The following CAMTA1 variants were observed in gnomAD, a reference collection of about 807,000 sequenced individuals.
CAMTA1 encodes the protein calmodulin-binding transcription activator 1.
CAMTA1 carries 27 observed loss-of-function variants against 170.9 expected under a neutral mutation model. The ratio of observed to expected loss-of-function variants is 0.16; its 90% CI spans 0.12 to 0.22. CAMTA1 has a LOEUF of 0.22. CAMTA1 is among the 10% of genes least tolerant of loss of function. The pLI is 1.00. For missense variants in CAMTA1, 1,619 were observed against 2,217.2 expected, an observed-to-expected ratio of 0.73 and a Z score of 5.42; for synonymous variants, 833 against 891.5, an observed-to-expected ratio of 0.93 and a Z score of 1.17.
chr1:7,280,108 G>GGAAAAAC (rs1671298801), intron 5 of CAMTA1, among the ~76,000 whole-genome samples: 2 of 152,204 alleles, frequency 1.3e-5, no homozygotes, highest in Admixed American at 6.5e-5. Context: ...TGCTGGCTTT[G>GGAAAAAC]CAAAAACCAA....
intron 6 of CAMTA1, among the ~76,000 whole-genome samples, chr1:7,478,820 T>C (rs1194096151): frequency 1.3e-5 from 2 of 152,216 alleles, no homozygotes; most frequent in African/African-American, 4.8e-5. Context: ...TATGGGGCTT[T>C]TGTTTAATTA....
At position 7,571,051 on chromosome 1, in the gene CAMTA1, T is replaced by C. The variant is rs2095119685; in HGVS notation, c.511-69349T>C. 1.3e-5 allele frequency among the ~76,000 whole-genome samples: 2 copies of C among 152,212 alleles called. 1 individual carries two copies. Among genetic ancestry groups the C allele is most frequent in the African/African-American group, 4.8e-5 (2 of 41,458 alleles). On this transcript the variant is annotated intron_variant, in intron 6 of 22. Coordinates refer to ENST00000303635, the MANE Select transcript of CAMTA1 (RefSeq NM_015215.4). ...TGCTCTGCAACAATCTGTGCCCAAC[T>C]GCCTTCACCTTCATGGAAAACAAAG...
intron 3 of CAMTA1, among the ~76,000 whole-genome samples, chr1:6,944,742 A>T (rs890322781): frequency 5.3e-4 from 81 of 152,246 alleles, no homozygotes; most frequent in African/African-American, 1.9e-3. Flanking sequence ...TACTACAGAC[A>T]GTCTTTGACT....
At chr1:7,600,229 G>C (rs1293937305) in intron 6 of CAMTA1, among the ~76,000 whole-genome samples, 2 of 152,186 alleles carry the variant, frequency 1.3e-5, no homozygotes, top group African/African-American at 2.4e-5. Context: ...TTCTGTTTAT[G>C]TGCTGGATTA....
intron 3 of CAMTA1, among the ~76,000 whole-genome samples, chr1:7,038,435 A>G (rs1039607599): frequency 2.6e-5 from 4 of 152,218 alleles, no homozygotes; most frequent in African/African-American, 9.6e-5. Context: ...TGCCATTTCA[A>G]TTTAAAGATT....
chr1:7,217,474 G>A (rs1036056213), intron 4 of CAMTA1, among the ~76,000 whole-genome samples: 2 of 152,008 alleles, frequency 1.3e-5, no homozygotes, highest in Non-Finnish European at 2.9e-5. Context: ...AAGCCAAATT[G>A]AAAATTTTTT....
At chr1:7,385,033 C>A (rs1195751491) in intron 5 of CAMTA1, among the ~76,000 whole-genome samples, 1 of 152,042 alleles carries the variant, frequency 6.6e-6, no homozygotes, top group African/African-American at 2.4e-5. Flanking sequence ...AGTTGGACCA[C>A]CCAGCTTCAG....
In CAMTA1 at chr1:7,251,931, A is replaced by G. The variant is rs556264105; in HGVS notation, c.438+2305A>G. 2.6e-5 allele frequency among the ~76,000 whole-genome samples: 4 copies of G among 151,190 alleles called. No homozygotes were observed. The highest frequency in any genetic ancestry group is 9.7e-5 in the African/African-American group (4 of 41,128). The stretch of plus-strand genomic sequence containing the variant: ...ATATTGTTTGCAGTTTACCTTTTCC[A>G]CTCTGCATTGTGGTCTGAGCTGTGT... On this transcript the variant is annotated intron_variant, in intron 5 of 22. Transcript: ENST00000303635. The surrounding 1 kb of genome is among the most constrained non-coding windows in gnomAD (Gnocchi z 5.1).
intron 3 of CAMTA1, among the ~76,000 whole-genome samples, chr1:7,078,589 A>G (rs1639621503): frequency 6.6e-6 from 1 of 152,272 alleles, no homozygotes; most frequent in South Asian, 2.1e-4. Flanking sequence ...AAAGAATAAA[A>G]TAAAAGTCTA....
At chr1:7,493,736 G>A (rs1179765292) in intron 6 of CAMTA1, among the ~76,000 whole-genome samples, 1 of 152,218 alleles carries the variant, frequency 6.6e-6, no homozygotes, top group Non-Finnish European at 1.5e-5. Context: ...TTCCCTCAAA[G>A]GGTTCCCTGG....
Position 7,501,624 on chromosome 1 carries a change from T to C in CAMTA1, c.510+33723T>C, listed in dbSNP as rs556713875. On this transcript the variant is annotated intron_variant, in intron 6 of 22. Transcript: ENST00000303635. The stretch of plus-strand genomic sequence containing the variant: ...GAAATTCGGATAAACAACAGTTTTT[T>C]TTTTATTTTAGTCTAGGTATGTCCC... Among the ~76,000 whole-genome samples, 5 of 151,902 alleles carry C rather than the reference T, an allele frequency of 3.3e-5. No homozygotes were observed. In the South Asian group the frequency reaches 1.0e-3, roughly 32 times the overall value.
At chr1:6,933,610 A>G (rs1228664935) in intron 3 of CAMTA1, among the ~76,000 whole-genome samples, 1 of 150,924 alleles carries the variant, frequency 6.6e-6, no homozygotes, top group South Asian at 2.1e-4. Context: ...ATTTAGGCCT[A>G]TAGTCTATTT....
chr1:7,281,949 G>T (rs1464609062), intron 5 of CAMTA1, among the ~76,000 whole-genome samples: 1 of 151,970 alleles, frequency 6.6e-6, no homozygotes, highest in Non-Finnish European at 1.5e-5. Context: ...CCGCTTCTTG[G>T]ACCTCGGCCA....
chr1:7,317,712 G>T (rs1242868178), intron 5 of CAMTA1, among the ~76,000 whole-genome samples: 1 of 152,176 alleles, frequency 6.6e-6, no homozygotes, highest in South Asian at 2.1e-4. Flanking sequence ...GCCCTGTGTC[G>T]GTGACCAGTC....
rs2091898862 is a variant in CAMTA1, at chr1:7,426,905, G to A, written c.439-40925G>A. 6.6e-6 allele frequency among the ~76,000 whole-genome samples: 1 copy of A among 152,194 alleles called. No individual in the cohort carries two copies. Among genetic ancestry groups the A allele is most frequent in the Admixed American group, 6.5e-5 (1 of 15,284 alleles). ...GAAATTTGGTCCTTAAATCTGGCCT[G>A]TGTTTTTAGTAATTTATCAGGCCAC... is the stretch of plus-strand genomic sequence containing the variant. On this transcript the variant is annotated intron_variant, in intron 5 of 22. Transcript: ENST00000303635. The surrounding 1 kb of genome is among the most constrained non-coding windows in gnomAD (Gnocchi z 4.8).
intron 3 of CAMTA1, among the ~76,000 whole-genome samples, chr1:7,042,893 T>C (rs1704692778): frequency 1.3e-5 from 2 of 152,250 alleles, no homozygotes; most frequent in Admixed American, 1.3e-4. Flanking sequence ...TATCTGATTC[T>C]TGACCACCAG....
At chr1:6,951,881 C>T (rs1218431762) in intron 3 of CAMTA1, among the ~76,000 whole-genome samples, 3 of 152,164 alleles carry the variant, frequency 2.0e-5, no homozygotes, top group Non-Finnish European at 4.4e-5. Context: ...CGCAGTAAGA[C>T]TGTGAGACAT....
intron 22 of CAMTA1, among the ~76,000 whole-genome samples, chr1:7,758,986 G>A (rs2096954804): frequency 6.8e-6 from 1 of 147,774 alleles, no homozygotes; most frequent in African/African-American, 2.5e-5. Context: ...AATTTGTAAA[G>A]TATTCCATAT....
At chr1:7,343,667 C>G (rs2084006832) in intron 5 of CAMTA1, among the ~76,000 whole-genome samples, 1 of 152,206 alleles carries the variant, frequency 6.6e-6, no homozygotes. Context: ...CAAAGGTCAT[C>G]ACAACCCTGA....
Sources: allele counts gnomAD v4.1 joint callset (sites outside exome capture counted in the v4.1 genomes callset), GRCh38; gene constraint gnomAD v4.1.1; non-coding constraint Gnocchi (gnomAD v3.1); transcripts MANE v1.5; gene names NCBI Gene and HGNC (gene_info 2026-07-23, HGNC 2026-07-21).